DPRX: variants seen among roughly 807,000 people sequenced by gnomAD.
DPRX encodes the protein divergent-paired related homeobox, also known as divergent paired-related homeobox.
In DPRX, 11 loss-of-function variants were observed where a neutral mutation model predicts 8.4. That is an observed-to-expected ratio of 1.31 (90% CI 0.82 to 2.17). The LOEUF (loss-of-function observed/expected upper bound fraction) is 2.17, where lower values mean the gene tolerates loss of function less well. DPRX is among the 30% of genes most tolerant of loss of function. The probability of loss-of-function intolerance (pLI) is 0.00; values close to 1 mark genes in which losing one functional copy is unlikely to be tolerated. For synonymous variants in DPRX, 72 were observed against 87.0 expected, an observed-to-expected ratio of 0.83 and a Z score of 0.96; for missense variants, 211 against 236.7, an observed-to-expected ratio of 0.89 and a Z score of 0.71.
the DPRX span, among the ~76,000 whole-genome samples, chr19:53,603,746 C>CTTT: frequency 1.4e-5 from 2 of 140,398 alleles, no homozygotes; most frequent in African/African-American, 2.6e-5. Context: ...TCTTTTCTTT[C>CTTT]TTTTTTTTTT....
chr19:53,616,023 C>T, the DPRX span, among the ~76,000 whole-genome samples: 18 of 152,142 alleles, frequency 1.2e-4, no homozygotes, highest in African/African-American at 3.9e-4. Flanking sequence ...GACGCCGAGG[C>T]GGGTGGATCA....
chr19:53,636,567 C>T, intron 2 of DPRX, 29 bp from the exon 3 acceptor site: 1 of 1,482,516 alleles, frequency 6.7e-7, no homozygotes, highest in Non-Finnish European at 9.0e-7. Flanking sequence ...CTGAATTCCA[C>T]CCCATTCTCT....
chr19:53,634,668 C>T, exon 2 of DPRX: 1 of 1,613,820 alleles, frequency 6.2e-7, no homozygotes. Context: ...AATAGACATA[C>T]ACCCAACAGT....
At chr19:53,605,080 G>A in the DPRX span, among the ~76,000 whole-genome samples, 2 of 152,154 alleles carry the variant, frequency 1.3e-5, no homozygotes, top group South Asian at 2.1e-4. Context: ...TAGGGAGGCC[G>A]AGGCAGGCGG....
the DPRX span, among the ~76,000 whole-genome samples, chr19:53,625,779 A>G: frequency 1.4e-4 from 22 of 151,948 alleles, no homozygotes; most frequent in Non-Finnish European, 2.1e-4. Flanking sequence ...CTGGGGCTAC[A>G]AGTGTGTGTC....
At chr19:53,623,022 T>C in the DPRX span, among the ~76,000 whole-genome samples, 1 of 152,072 alleles carries the variant, frequency 6.6e-6, no homozygotes, top group Admixed American at 6.6e-5. Context: ...AAGCCATTCC[T>C]GGGCCAAGCC....
chr19:53,609,645 C>A, the DPRX span, among the ~76,000 whole-genome samples: 18 of 151,978 alleles, frequency 1.2e-4, no homozygotes, highest in Non-Finnish European at 7.4e-5. Context: ...GTGGGCAGAT[C>A]ACCTGAGATC....
chr19:53,615,523 C>G, the DPRX span, among the ~76,000 whole-genome samples: 1 of 151,968 alleles, frequency 6.6e-6, no homozygotes, highest in African/African-American at 2.4e-5. Context: ...TCCAGTGATC[C>G]GCCCACCTTG....
rs755739837 is a variant in DPRX at position 53,636,590 on chromosome 19, C to T, written c.184-6C>T. ...CACCCCATTCTCTTCTCTCTCTTCCCTTCAGGTCTGGTTCAAGAATCACAG... is the reference window on the plus strand; with the variant it reads ...CACCCCATTCTCTTCTCTCTCTTCCTTTCAGGTCTGGTTCAAGAATCACAG... On this transcript the variant is annotated splice_polypyrimidine_tract_variant and splice_region_variant and intron_variant, in intron 2 of 2. Coordinates refer to ENST00000376650, the Ensembl canonical transcript of DPRX. 3.1e-6 allele frequency: 5 copies of T among 1,600,684 alleles called. No individual in the cohort carries two copies. The highest frequency in any genetic ancestry group is 4.3e-6 in the Non-Finnish European group (5 of 1,172,564).
intron 1 of DPRX, among the ~76,000 whole-genome samples, chr19:53,634,171 A>G (rs1032152701): frequency 6.6e-6 from 1 of 151,596 alleles, no homozygotes; most frequent in Non-Finnish European, 1.5e-5. Flanking sequence ...TGGCTCACGC[A>G]TGTAATCCCA....
rs989513793 is a variant in DPRX at position 53,636,513 on chromosome 19, A to T, written c.184-83A>T. 4.3e-6 allele frequency: 5 copies of T among 1,151,274 alleles called. No homozygotes were observed. The African/African-American group carries it at 7.9e-5, about 18-fold the overall frequency. The allele number at this position is 1,151,274 out of a possible 1,614,324, so 71.3% of individuals were successfully genotyped here. A position where few individuals can be genotyped will look rare whatever the true frequency, so the allele number is the denominator to read the frequency against. On this transcript the variant is annotated intron_variant, in intron 2 of 2. Coordinates refer to ENST00000376650, the Ensembl canonical transcript of DPRX. Reference sequence around the variant, plus strand: ...AAATAAAATACGTTTAACAAAATAAAAATTAAAAAGTAAAAATTTTTTAAA... The same window carrying T: ...AAATAAAATACGTTTAACAAAATAATAATTAAAAAGTAAAAATTTTTTAAA...
the DPRX span, among the ~76,000 whole-genome samples, chr19:53,625,448 T>G: frequency 3.0e-4 from 45 of 152,102 alleles, no homozygotes; most frequent in Admixed American, 2.6e-3. Context: ...TCTCTTCTCC[T>G]GCTACCCTGC....
At chr19:53,620,053 G>A in the DPRX span, among the ~76,000 whole-genome samples, 1 of 151,964 alleles carries the variant, frequency 6.6e-6, no homozygotes, top group Non-Finnish European at 1.5e-5. Flanking sequence ...CCTGAGACAT[G>A]TTGACTTCCT....
chr19:53,630,481 G>A (rs940318573), upstream of DPRX, among the ~76,000 whole-genome samples: 5 of 152,004 alleles, frequency 3.3e-5, no homozygotes, highest in African/African-American at 1.2e-4. Flanking sequence ...AGGCCCAGGA[G>A]GTTAAGGCTG....
At chr19:53,632,930 A>G in intron 1 of DPRX, among the ~76,000 whole-genome samples, 1 of 152,152 alleles carries the variant, frequency 6.6e-6, no homozygotes, top group Non-Finnish European at 1.5e-5. Flanking sequence ...CCAAGCTGGA[A>G]ATCTCATGTT....
chr19:53,623,414 G>A, the DPRX span, among the ~76,000 whole-genome samples: 7 of 149,222 alleles, frequency 4.7e-5, no homozygotes, highest in South Asian at 4.3e-4. Context: ...CGAGGAGGGC[G>A]GATCACCTGA....
the DPRX span, among the ~76,000 whole-genome samples, chr19:53,610,328 AAAAAAG>A: frequency 2.1e-5 from 1 of 48,314 alleles, no homozygotes; most frequent in African/African-American, 1.1e-4. Flanking sequence ...TCGAAAAAAG[AAAAAAG>A]AAGAAGGAAA....
At chr19:53,616,449 T>G in the DPRX span, among the ~76,000 whole-genome samples, 7 of 151,894 alleles carry the variant, frequency 4.6e-5, no homozygotes, top group African/African-American at 1.7e-4. Context: ...TGTCCCAGTG[T>G]CATTTATTTA....
At chr19:53,603,484 A>G in the DPRX span, 11 of 437,812 alleles carry the variant, frequency 2.5e-5, 1 homozygote, top group South Asian at 1.7e-4. Flanking sequence ...TTGGGTACAG[A>G]ATTCATCTCA....
Sources: gnomAD v4.1 joint callset for allele counts (sites outside exome capture counted in the v4.1 genomes callset) on GRCh38, gnomAD v4.1.1 for gene constraint, MANE v1.5 for transcripts, NCBI Gene and HGNC (gene_info 2026-07-23, HGNC 2026-07-21) for gene names.